The following ARB2A variants were observed in gnomAD, a reference collection of about 807,000 sequenced individuals.
The protein encoded by ARB2A is cotranscriptional regulator ARB2A.
the ARB2A span, among the ~76,000 whole-genome samples, chr5:93,783,261 A>G: frequency 1.3e-5 from 2 of 152,122 alleles, no homozygotes; most frequent in Admixed American, 1.3e-4. Context: ...ATGGTCATCA[A>G]ACACCTACAT....
the ARB2A span, among the ~76,000 whole-genome samples, chr5:93,719,214 G>A: frequency 6.6e-6 from 1 of 152,164 alleles, no homozygotes; most frequent in Non-Finnish European, 1.5e-5. Context: ...CATGGCTGTT[G>A]TCTGTAGGCC....
the ARB2A span, among the ~76,000 whole-genome samples, chr5:94,108,116 G>A: frequency 6.6e-6 from 1 of 151,726 alleles, no homozygotes; most frequent in Non-Finnish European, 1.5e-5. Flanking sequence ...TGGCTCTTCT[G>A]GTACCTGCTC....
At chr5:94,067,632 C>G in the ARB2A span, among the ~76,000 whole-genome samples, 4 of 152,020 alleles carry the variant, frequency 2.6e-5, no homozygotes, top group African/African-American at 9.6e-5. Flanking sequence ...AGGTGAAAAA[C>G]CTCTACAAGG....
the ARB2A span, among the ~76,000 whole-genome samples, chr5:94,080,710 A>G: frequency 6.6e-6 from 1 of 152,178 alleles, no homozygotes. Flanking sequence ...GATGCAGGAC[A>G]ACCCCGATAG....
the ARB2A span, among the ~76,000 whole-genome samples, chr5:94,064,635 A>ATATT: frequency 6.6e-6 from 1 of 152,242 alleles, no homozygotes; most frequent in African/African-American, 2.4e-5. Context: ...TCAGACTAAT[A>ATATT]GCACATTGCT....
chr5:93,663,263 C>T, the ARB2A span, among the ~76,000 whole-genome samples: 83 of 152,280 alleles, frequency 5.5e-4, no homozygotes, highest in Middle Eastern at 3.4e-3. Context: ...TAAAACAATT[C>T]GCTTACCTGT....
At chr5:93,771,327 C>T in the ARB2A span, among the ~76,000 whole-genome samples, 15 of 151,518 alleles carry the variant, frequency 9.9e-5, no homozygotes, top group Non-Finnish European at 1.6e-4. Context: ...AAGACTTAAA[C>T]GTTAGACCTA....
the ARB2A span, among the ~76,000 whole-genome samples, chr5:93,710,123 C>T: frequency 6.6e-6 from 1 of 152,100 alleles, no homozygotes; most frequent in South Asian, 2.1e-4. Context: ...GCATGTTATG[C>T]ATTCTTTAAT....
the ARB2A span, among the ~76,000 whole-genome samples, chr5:93,847,364 G>A: frequency 6.6e-6 from 1 of 152,058 alleles, no homozygotes; most frequent in Non-Finnish European, 1.5e-5. Flanking sequence ...CAGCAGTTCT[G>A]ATTTTAGAAT....
the ARB2A span, among the ~76,000 whole-genome samples, chr5:93,814,022 T>G: frequency 8.5e-5 from 13 of 152,176 alleles, no homozygotes; most frequent in Non-Finnish European, 1.6e-4. Context: ...TGTTCAAAAT[T>G]TCAGGGCCAC....
At chr5:93,860,110 T>C in the ARB2A span, among the ~76,000 whole-genome samples, 1 of 152,068 alleles carries the variant, frequency 6.6e-6, no homozygotes, top group Non-Finnish European at 1.5e-5. Context: ...CTGACCAAGA[T>C]GGTGAAACCC....
At chr5:93,780,757 A>C in the ARB2A span, among the ~76,000 whole-genome samples, 1 of 151,898 alleles carries the variant, frequency 6.6e-6, no homozygotes, top group Admixed American at 6.6e-5. Flanking sequence ...ACGAGGTTTC[A>C]CCATGTTGTC....
chr5:93,680,824 C>G, the ARB2A span, among the ~76,000 whole-genome samples: 1 of 152,128 alleles, frequency 6.6e-6, no homozygotes, highest in Non-Finnish European at 1.5e-5. Flanking sequence ...AAGACAGGGT[C>G]TGGACTAAAT....
chr5:93,839,824 T>C, the ARB2A span, among the ~76,000 whole-genome samples: 8 of 152,282 alleles, frequency 5.3e-5, no homozygotes, highest in Non-Finnish European at 1.0e-4. Flanking sequence ...CAGGTGTTAA[T>C]AGTAGTCTCT....
At chr5:93,690,025 G>A in the ARB2A span, among the ~76,000 whole-genome samples, 1 of 152,142 alleles carries the variant, frequency 6.6e-6, no homozygotes, top group Admixed American at 6.6e-5. Context: ...TTCCGGCCCA[G>A]ATACTACACT....
the ARB2A span, among the ~76,000 whole-genome samples, chr5:94,039,261 T>C: frequency 6.6e-6 from 1 of 152,182 alleles, no homozygotes; most frequent in Non-Finnish European, 1.5e-5. Flanking sequence ...TTAGACCTAC[T>C]GGGCTGCATT....
the ARB2A span, among the ~76,000 whole-genome samples, chr5:94,076,660 AAT>A: frequency 6.6e-6 from 1 of 152,228 alleles, no homozygotes. Context: ...ATAGTGCACA[AAT>A]TTCACCAGCA....
chr5:94,063,446 C>G, the ARB2A span, among the ~76,000 whole-genome samples: 6 of 152,326 alleles, frequency 3.9e-5, no homozygotes, highest in East Asian at 9.6e-4. Context: ...ACTACTGCTA[C>G]TACCATAGCC....
the ARB2A span, among the ~76,000 whole-genome samples, chr5:94,013,618 G>T: frequency 6.6e-6 from 1 of 152,228 alleles, no homozygotes; most frequent in East Asian, 1.9e-4. Context: ...TACAATGAAA[G>T]ATGAAGGGAG....
Sources: gnomAD v4.1 joint callset for allele counts (sites outside exome capture counted in the v4.1 genomes callset) on GRCh38, gnomAD v4.1.1 for gene constraint, MANE v1.5 for transcripts, NCBI Gene and HGNC (gene_info 2026-07-23, HGNC 2026-07-21) for gene names.